The following GALNT17 variants were observed in gnomAD, a reference collection of about 807,000 sequenced individuals.
GALNT17 encodes polypeptide N-acetylgalactosaminyltransferase 17.
In GALNT17, 29 loss-of-function variants were observed where a neutral mutation model predicts 63.7. That is an observed-to-expected ratio of 0.46 (90% CI 0.34 to 0.62). The LOEUF (loss-of-function observed/expected upper bound fraction) is 0.62, where lower values mean the gene tolerates loss of function less well. GALNT17 is among the 20% of genes least tolerant of loss of function. GALNT17 has a pLI of 0.01. For missense variants in GALNT17, 603 were observed against 799.6 expected (o/e 0.75, Z 2.97); for synonymous variants, 305 against 318.3 (o/e 0.96, Z 0.45).
Position 71,441,257 on chromosome 7 carries a change from G to A in GALNT17, c.962+20152G>A, listed in dbSNP as rs368335309. Among the ~76,000 whole-genome samples, 8 of 152,010 alleles carry A rather than the reference G, an allele frequency of 5.3e-5. No individual in the cohort carries two copies. The East Asian group carries it at 1.6e-3, about 30-fold the overall frequency. ...AGTCTGATCTCTATCTCTTGACCTC[G>A]TAATCCACCCACCTTGGCCTCCCAT... On this transcript the variant is annotated intron_variant, in intron 5 of 10. Coordinates refer to ENST00000333538, the MANE Select transcript of GALNT17 (RefSeq NM_022479.3).
rs111842231 is a variant in GALNT17 at position 71,598,069 on chromosome 7, G to A, written c.1080+26667G>A. The stretch of plus-strand genomic sequence containing the variant: ...AAATAATTCTCTGCCTCAGCCTTCC[G>A]AGTAGCTGGGACTACAGGCGCACGC... On this transcript the variant is annotated intron_variant, in intron 6 of 10. Transcript: ENST00000333538. Among the ~76,000 whole-genome samples the A allele has an allele frequency of 5.3e-4, 81 of 151,606 alleles. 1 individual carries two copies. The highest frequency in any genetic ancestry group is 1.6e-3 in the African/African-American group (68 of 41,340).
chr7:71,169,630 A>AAGTGATCCTCCCAC (rs1788508804), intron 1 of GALNT17, among the ~76,000 whole-genome samples: 1 of 152,186 alleles, frequency 6.6e-6, no homozygotes, highest in African/African-American at 2.4e-5. Context: ...ATCATGGCTC[A>AAGTGATCCTCCCAC]CTGCAGCCTT....
chr7:71,684,289 A>G (rs1401267815), intron 9 of GALNT17, among the ~76,000 whole-genome samples: 1 of 152,166 alleles, frequency 6.6e-6, no homozygotes, highest in Non-Finnish European at 1.5e-5. Flanking sequence ...TTCTCCAGCC[A>G]CAGCTTCTGA....
chr7:71,336,171 G>T (rs765392822), intron 2 of GALNT17, among the ~76,000 whole-genome samples: 8 of 151,080 alleles, frequency 5.3e-5, no homozygotes, highest in Admixed American at 5.3e-4. Context: ...TCAGCCTCCC[G>T]AGTAGCTGGG....
At chr7:71,197,907 G>A (rs1384351538) in intron 1 of GALNT17, among the ~76,000 whole-genome samples, 2 of 151,952 alleles carry the variant, frequency 1.3e-5, no homozygotes, top group Non-Finnish European at 2.9e-5. Context: ...TCTGTAAAAA[G>A]GGGATGCAGG....
At chr7:71,144,943 T>A (rs142760217) in intron 1 of GALNT17, among the ~76,000 whole-genome samples, 1 of 152,276 alleles carries the variant, frequency 6.6e-6, no homozygotes, top group Non-Finnish European at 1.5e-5. Context: ...TTAGCCAGGA[T>A]GGTCTTGATC....
chr7:71,661,500 A>C (rs1425157891), intron 6 of GALNT17, among the ~76,000 whole-genome samples: 1 of 152,218 alleles, frequency 6.6e-6, no homozygotes, highest in Non-Finnish European at 1.5e-5. Context: ...CTTCTGTCTC[A>C]CACAAGAGGT....
chr7:71,163,872 A>C (rs1788390523), intron 1 of GALNT17, among the ~76,000 whole-genome samples: 1 of 152,218 alleles, frequency 6.6e-6, no homozygotes, highest in South Asian at 2.1e-4. Flanking sequence ...GATTCAGCAC[A>C]TTTTAGAATC....
At chr7:71,283,364 A>G (rs1381487893) in intron 1 of GALNT17, among the ~76,000 whole-genome samples, 1 of 152,008 alleles carries the variant, frequency 6.6e-6, no homozygotes, top group African/African-American at 2.4e-5. Context: ...TTGTGGTTCA[A>G]ATTTTTGTCT....
rs577199727 is a variant in GALNT17 at position 71,683,284 on chromosome 7, G to A, written c.1500+5978G>A. Among the ~76,000 whole-genome samples, 185 of 152,074 alleles carry A rather than the reference G, an allele frequency of 1.2e-3. 1 individual carries two copies. Among genetic ancestry groups the A allele is most frequent in the Non-Finnish European group, 4.6e-4 (31 of 67,998 alleles). ...TGGTGTGGCTCTCCAGCTGCCAGGC[G>A]GTCCCTCTACTCACTCATCAAAGCT... On this transcript the variant is annotated intron_variant, in intron 9 of 10. Coordinates refer to ENST00000333538, the MANE Select transcript of GALNT17 (RefSeq NM_022479.3).
chr7:71,565,902 G>A (rs564493909), intron 5 of GALNT17, among the ~76,000 whole-genome samples: 1 of 149,964 alleles, frequency 6.7e-6, no homozygotes, highest in South Asian at 2.1e-4. Flanking sequence ...GGAGTGCAGT[G>A]GTGTGATCTC....
intron 6 of GALNT17, among the ~76,000 whole-genome samples, chr7:71,642,834 C>CA (rs111778238): frequency 0.12 from 17,239 of 147,198 alleles, 1,122 homozygotes; most frequent in Non-Finnish European, 0.15. Flanking sequence ...GACTCTGTCT[C>CA]AAAAAAAAAA....
At chr7:71,381,073 A>C (rs1381250391) in intron 2 of GALNT17, among the ~76,000 whole-genome samples, 1 of 151,598 alleles carries the variant, frequency 6.6e-6, no homozygotes. Flanking sequence ...GTATCCTCCC[A>C]CCTCAGCCTC....
intron 5 of GALNT17, among the ~76,000 whole-genome samples, chr7:71,556,099 T>C (rs1789159359): frequency 1.3e-5 from 2 of 152,262 alleles, no homozygotes; most frequent in African/African-American, 4.8e-5. Context: ...TAAATTATTA[T>C]ACTCTTTTAT....
chr7:71,228,908 T>A (rs568795443), intron 1 of GALNT17, among the ~76,000 whole-genome samples: 1 of 152,282 alleles, frequency 6.6e-6, no homozygotes, highest in East Asian at 1.9e-4. Flanking sequence ...TAGCCCTTTT[T>A]TTTTCCCTCC....
intron 5 of GALNT17, among the ~76,000 whole-genome samples, chr7:71,498,250 C>A (rs377657317): frequency 6.6e-6 from 1 of 152,064 alleles, no homozygotes; most frequent in African/African-American, 2.4e-5. Context: ...CTGAGGTGGG[C>A]GGATCACTTG....
intron 3 of GALNT17, among the ~76,000 whole-genome samples, chr7:71,390,981 G>T (rs551306386): frequency 2.4e-4 from 37 of 152,320 alleles, no homozygotes; most frequent in African/African-American, 8.9e-4. Context: ...GGATAATGAG[G>T]CCCCGGTTCT....
chr7:71,329,447 C>G (rs544567043), intron 1 of GALNT17, among the ~76,000 whole-genome samples: 10 of 152,250 alleles, frequency 6.6e-5, no homozygotes, highest in African/African-American at 2.4e-4. Context: ...CATCTCGCAG[C>G]TTTACAGTGG....
chr7:71,264,278 G>A (rs951138288), intron 1 of GALNT17, among the ~76,000 whole-genome samples: 1 of 152,088 alleles, frequency 6.6e-6, no homozygotes, highest in African/African-American at 2.4e-5. Flanking sequence ...ACAGCTGAAG[G>A]ACACAACCCT....
Sources: allele counts gnomAD v4.1 joint callset (sites outside exome capture counted in the v4.1 genomes callset), GRCh38; gene constraint gnomAD v4.1.1; transcripts MANE v1.5; gene names NCBI Gene and HGNC (gene_info 2026-07-23, HGNC 2026-07-21).